HS3ST2: variants seen among roughly 807,000 people sequenced by gnomAD.
HS3ST2 encodes heparan sulfate glucosamine 3-O-sulfotransferase 2.
HS3ST2 carries 17 observed loss-of-function variants against 26.3 expected under a neutral mutation model. The ratio of observed to expected loss-of-function variants is 0.65; its 90% CI spans 0.44 to 0.97. The LOEUF (loss-of-function observed/expected upper bound fraction) is 0.97. Among genes scored for constraint, HS3ST2 ranks in the 50% least tolerant of loss-of-function variants. The pLI is 0.00. For missense variants in HS3ST2, 402 were observed against 501.2 expected (o/e 0.80, Z 1.89); for synonymous variants, 237 against 219.2 (o/e 1.08, Z -0.72).
chr16:22,888,368 CTTTTCTTTTTTTTTTTTTTT>C (rs1234375112), intron 1 of HS3ST2, among the ~76,000 whole-genome samples: 5 of 91,742 alleles, frequency 5.5e-5, no homozygotes, highest in Non-Finnish European at 1.1e-4. Context: ...ATGTCTCTGG[CTTTTCTTTTTTTTTTTTTTT>C]TTTTCTTTTT....
At chr16:22,840,584 A>G (rs1163233470) in intron 1 of HS3ST2, among the ~76,000 whole-genome samples, 1 of 152,052 alleles carries the variant, frequency 6.6e-6, no homozygotes, top group South Asian at 2.1e-4. Flanking sequence ...GGGTTTTGCC[A>G]TGTTGCCCAG....
intron 1 of HS3ST2, among the ~76,000 whole-genome samples, chr16:22,837,481 CTA>C (rs1567483615): frequency 8.2e-6 from 1 of 121,968 alleles, no homozygotes; most frequent in Non-Finnish European, 1.6e-5. Flanking sequence ...TGTTTTTTTC[CTA>C]TGTGTGTGTG....
Position 22,914,143 on chromosome 16 carries a change from TA to T in HS3ST2, c.486-788del, listed in dbSNP as rs752345485. 5.7e-3 allele frequency among the ~76,000 whole-genome samples: 801 copies of T among 141,450 alleles called. 3 individuals are homozygous for T. Among genetic ancestry groups the T allele is most frequent in the Admixed American group, 5.3e-3 (75 of 14,128 alleles). 92.8% of individuals were successfully genotyped at this position (141,450 alleles called of 152,430 possible). A position where few individuals can be genotyped will look rare whatever the true frequency, so the allele number is the denominator to read the frequency against. On this transcript the variant is annotated intron_variant, in intron 1 of 1. Coordinates refer to ENST00000261374, the MANE Select transcript of HS3ST2 (RefSeq NM_006043.2). ...CAGAGTGAAGTGAGACCCTGTCTCT[TA>T]AAAAAAAAAAAAGCAATTCTCATTT...
intron 1 of HS3ST2, among the ~76,000 whole-genome samples, chr16:22,831,274 C>T (rs1277081155): frequency 1.3e-5 from 2 of 152,136 alleles, no homozygotes; most frequent in Non-Finnish European, 2.9e-5. Context: ...TGGGAAATGC[C>T]CACTAAGATT....
At chr16:22,837,371 C>T (rs1490805459) in intron 1 of HS3ST2, among the ~76,000 whole-genome samples, 1 of 151,696 alleles carries the variant, frequency 6.6e-6, no homozygotes, top group Non-Finnish European at 1.5e-5. Flanking sequence ...AGGAGTTTTC[C>T]ACCTTGATAT....
chr16:22,814,179 C>T lies in HS3ST2; in HGVS notation c.-432C>T. ...CTCCGCTCGGCATTTCCCGAAGAGC[C>T]AGATCGCGGCCGGCGCCAGCGCCAC... On this transcript the variant is annotated 5_prime_UTR_variant, in exon 1 of 2. Transcript: ENST00000261374. The T allele has an allele frequency of 6.1e-6, 1 of 165,010 alleles. No homozygotes were observed. The highest frequency in any genetic ancestry group is 1.3e-5 in the Non-Finnish European group (1 of 77,274). The allele number at this position is 165,010 out of a possible 1,614,324, so 10.2% of individuals were successfully genotyped here. A position where few individuals can be genotyped will look rare whatever the true frequency, so the allele number is the denominator to read the frequency against.
At chr16:22,888,378 T>C (rs113982131) in intron 1 of HS3ST2, among the ~76,000 whole-genome samples, 6,853 of 86,936 alleles carry the variant, frequency 0.079, 144 homozygotes, top group East Asian at 0.31. Flanking sequence ...CTTTTCTTTT[T>C]TTTTTTTTTT....
At chr16:22,884,128 T>C (rs2141198080) in intron 1 of HS3ST2, among the ~76,000 whole-genome samples, 1 of 152,360 alleles carries the variant, frequency 6.6e-6, no homozygotes, top group East Asian at 1.9e-4. Flanking sequence ...TCCACTGGAA[T>C]TCACTTGTAA....
rs529433438 is a variant in HS3ST2 at position 22,815,027 on chromosome 16, C to A, written c.417C>A (p.Asp139Glu). ...AVLEFIRVHP[D>E]VRALGTEPHF... ...TGGAGTTTATCCGAGTACACCCGGA[C>A]GTGCGGGCCTTGGGCACGGAACCCC... The change falls in exon 1 of 2, where the codon GAC becomes GAA. Residue 139 changes from aspartate to glutamate, a missense_variant. Asp to Glu is a conservative substitution (Grantham distance 45). This residue lies in a region of HS3ST2 where 237 missense variants were observed against 346.6 expected (regional missense o/e 0.68). Coordinates refer to ENST00000261374, the MANE Select transcript of HS3ST2 (RefSeq NM_006043.2). 6.2e-7 allele frequency: 1 copy of A among 1,613,136 alleles called. No homozygotes were observed. Among genetic ancestry groups the A allele is most frequent in the East Asian group, 2.2e-5 (1 of 44,878 alleles).
chr16:22,902,065 TAGA>T (rs1902288390), intron 1 of HS3ST2, among the ~76,000 whole-genome samples: 1 of 152,250 alleles, frequency 6.6e-6, no homozygotes, highest in African/African-American at 2.4e-5. Context: ...TGTATCCTTT[TAGA>T]AGATGTCTAT....
chr16:22,858,644 GAC>G (rs1272902162), intron 1 of HS3ST2, among the ~76,000 whole-genome samples: 1 of 152,002 alleles, frequency 6.6e-6, no homozygotes, highest in Non-Finnish European at 1.5e-5. Context: ...AGTAGAAAAA[GAC>G]AAACTTGCAG....
At chr16:22,903,429 C>T (rs531951418) in intron 1 of HS3ST2, among the ~76,000 whole-genome samples, 69 of 152,304 alleles carry the variant, frequency 4.5e-4, no homozygotes, top group African/African-American at 1.5e-3. Flanking sequence ...ATGACTGCTG[C>T]GTACCCATTT....
At chr16:22,861,889 C>T (rs912633955) in intron 1 of HS3ST2, among the ~76,000 whole-genome samples, 2 of 152,174 alleles carry the variant, frequency 1.3e-5, no homozygotes, top group Non-Finnish European at 1.5e-5. Flanking sequence ...CTCTGCTCCC[C>T]AGTCTCAGCC....
rs1476945628 is a variant in HS3ST2, at chr16:22,913,176, GAGGGAGGGCGGA to G, written c.486-1764_486-1753del. Among the ~76,000 whole-genome samples, 1,135 of 131,640 alleles carry G rather than the reference GAGGGAGGGCGGA, an allele frequency of 8.6e-3. 39 individuals carry two copies. Among genetic ancestry groups the G allele is most frequent in the African/African-American group, 0.031 (1,064 of 34,536 alleles). 86.4% of individuals were successfully genotyped at this position (131,640 alleles called of 152,430 possible). A position where few individuals can be genotyped will look rare whatever the true frequency, so the allele number is the denominator to read the frequency against. On this transcript the variant is annotated intron_variant, in intron 1 of 1. Coordinates refer to ENST00000261374, the MANE Select transcript of HS3ST2 (RefSeq NM_006043.2). ...GGAGGGAGGGAGGGAGGGAGGGAGG[GAGGGAGGGCGGA>G]AGGAAGGAAGGGACTTCTCGGGTAG... is the stretch of plus-strand genomic sequence containing the variant.
At chr16:22,831,580 T>C (rs1191271399) in intron 1 of HS3ST2, among the ~76,000 whole-genome samples, 1 of 142,404 alleles carries the variant, frequency 7.0e-6, no homozygotes, top group Non-Finnish European at 1.5e-5. Flanking sequence ...ATATGTTACC[T>C]GAGGGCTAAC....
chr16:22,897,655 T>TAAAAAA, intron 1 of HS3ST2, among the ~76,000 whole-genome samples: 1 of 24,828 alleles, frequency 4.0e-5, no homozygotes. Flanking sequence ...ATAAGCATCT[T>TAAAAAA]TGCCTTGCCT....
In HS3ST2 at chr16:22,915,304, C is replaced by T. The variant is rs765747577; in HGVS notation, c.846C>T (p.Ala282=). 117 of 1,613,882 alleles carry T rather than the reference C, an allele frequency of 7.2e-5. No homozygotes were observed. The highest frequency in any genetic ancestry group is 4.7e-4 in the East Asian group (21 of 44,858). ...VSGERLITDP[A]GEMGRVQDFL... Reference sequence around the variant, plus strand: ...GCGAGCGACTCATCACTGACCCGGCCGGCGAGATGGGGCGAGTCCAGGACT... The same window carrying T: ...GCGAGCGACTCATCACTGACCCGGCTGGCGAGATGGGGCGAGTCCAGGACT... The change falls in exon 2 of 2, where the codon GCC becomes GCT. Residue 282 remains alanine (A), a synonymous_variant. Coordinates refer to ENST00000261374, the MANE Select transcript of HS3ST2 (RefSeq NM_006043.2).
At chr16:22,903,637 T>C (rs1204821309) in intron 1 of HS3ST2, among the ~76,000 whole-genome samples, 1 of 152,212 alleles carries the variant, frequency 6.6e-6, no homozygotes, top group Non-Finnish European at 1.5e-5. Context: ...ACTGGGCACC[T>C]ACTATACACC....
rs938622798 is a variant in HS3ST2 at position 22,847,054 on chromosome 16, T to C, written c.485+31959T>C. ...AGGTAAACTCATGCCATGGTGGGAG[T>C]TGTTGTACAGATTATTTCATCACCC... On this transcript the variant is annotated intron_variant, in intron 1 of 1. Coordinates refer to ENST00000261374, the MANE Select transcript of HS3ST2 (RefSeq NM_006043.2). 2.6e-5 allele frequency among the ~76,000 whole-genome samples: 4 copies of C among 152,018 alleles called. No individual in the cohort carries two copies. In the East Asian group the frequency reaches 7.7e-4, roughly 29 times the overall value.
Sources: gnomAD v4.1 joint callset for allele counts (sites outside exome capture counted in the v4.1 genomes callset) on GRCh38, gnomAD v4.1.1 for gene constraint, gnomAD v4.1.1 regional missense constraint, MANE v1.5 for transcripts, NCBI Gene and HGNC (gene_info 2026-07-23, HGNC 2026-07-21) for gene names.